MAD1L1: variants seen among roughly 807,000 people sequenced by gnomAD.
MAD1L1 encodes the protein mitotic spindle assembly checkpoint protein MAD1.
MAD1L1 carries 95 observed loss-of-function variants against 96.9 expected under a neutral mutation model. That is an observed-to-expected ratio of 0.98 (90% CI 0.83 to 1.16). MAD1L1 has a LOEUF of 1.16. Among genes scored for constraint, MAD1L1 ranks in the 50% most tolerant of loss-of-function variants. The pLI, the probability that MAD1L1 is intolerant of heterozygous loss-of-function variation, is 0.00. For missense variants in MAD1L1, 1,007 were observed against 954.4 expected, an observed-to-expected ratio of 1.06 and a Z score of -0.73; for synonymous variants, 473 against 396.6, an observed-to-expected ratio of 1.19 and a Z score of -2.29.
chr7:1,857,923 G>T (rs931757540), intron 18 of MAD1L1, among the ~76,000 whole-genome samples: 2 of 152,200 alleles, frequency 1.3e-5, no homozygotes, highest in Admixed American at 6.5e-5. Flanking sequence ...TGCAGAACCT[G>T]CAGAGGCAGC....
At chr7:2,168,272 G>GA (rs1438599852) in intron 10 of MAD1L1, among the ~76,000 whole-genome samples, 2 of 151,382 alleles carry the variant, frequency 1.3e-5, no homozygotes, top group East Asian at 3.9e-4. Flanking sequence ...GTGACAGAGC[G>GA]AGACTGTCTA....
At chr7:1,823,390 G>A (rs1270881682) in intron 18 of MAD1L1, among the ~76,000 whole-genome samples, 4 of 152,136 alleles carry the variant, frequency 2.6e-5, no homozygotes, top group Non-Finnish European at 5.9e-5. Flanking sequence ...AATTAAAATG[G>A]ATAAATGGGC....
chr7:1,960,801 C>A (rs1779921866), intron 15 of MAD1L1, among the ~76,000 whole-genome samples: 2 of 152,136 alleles, frequency 1.3e-5, no homozygotes, highest in Non-Finnish European at 2.9e-5. Flanking sequence ...CCTATTTCAC[C>A]TGGATAAATG....
intron 8 of MAD1L1, 35 bp from the exon 9 acceptor site, chr7:2,216,034 C>T: frequency 6.2e-7 from 1 of 1,612,732 alleles, no homozygotes; most frequent in Non-Finnish European, 8.5e-7. Context: ...CAAATAGCCA[C>T]ACACCCTAGG....
chr7:2,008,579 C>T (rs569576688), intron 13 of MAD1L1, among the ~76,000 whole-genome samples: 2 of 152,176 alleles, frequency 1.3e-5, no homozygotes, highest in African/African-American at 4.8e-5. Context: ...TCCCAAGGCC[C>T]GGGGTGGGGG....
chr7:1,827,088 G>A (rs1239417827), intron 18 of MAD1L1, among the ~76,000 whole-genome samples: 1 of 152,240 alleles, frequency 6.6e-6, no homozygotes, highest in Non-Finnish European at 1.5e-5. Flanking sequence ...CGCCGGCTCG[G>A]GGTGGGGCGG....
At chr7:2,006,446 G>A (rs957264892) in intron 13 of MAD1L1, among the ~76,000 whole-genome samples, 2 of 152,232 alleles carry the variant, frequency 1.3e-5, no homozygotes, top group Non-Finnish European at 2.9e-5. Context: ...TCCCAGCACC[G>A]AGGAGCATTT....
intron 12 of MAD1L1, among the ~76,000 whole-genome samples, chr7:2,055,252 A>C (rs1476124598): frequency 1.3e-5 from 2 of 152,178 alleles, no homozygotes; most frequent in African/African-American, 4.8e-5. Context: ...GCAGACAGTG[A>C]GGACAGCAGG....
intron 16 of MAD1L1, among the ~76,000 whole-genome samples, chr7:1,945,635 G>C (rs1779195266): frequency 6.6e-6 from 1 of 152,202 alleles, no homozygotes; most frequent in African/African-American, 2.4e-5. Context: ...GACGCCATGG[G>C]GTGCCGGGCC....
intron 10 of MAD1L1, among the ~76,000 whole-genome samples, chr7:2,159,978 A>C (rs1790023879): frequency 6.6e-6 from 1 of 152,170 alleles, no homozygotes; most frequent in Non-Finnish European, 1.5e-5. Flanking sequence ...CTGTAATCCC[A>C]GCACTTTGGG....
At chr7:1,941,602 G>A (rs1172930118) in intron 16 of MAD1L1, among the ~76,000 whole-genome samples, 1 of 152,218 alleles carries the variant, frequency 6.6e-6, no homozygotes, top group Non-Finnish European at 1.5e-5. Flanking sequence ...CCAGCCCCCA[G>A]GCTTGTCCTC....
intron 11 of MAD1L1, among the ~76,000 whole-genome samples, chr7:2,126,777 T>G (rs1005466321): frequency 4.6e-5 from 7 of 152,194 alleles, no homozygotes; most frequent in Non-Finnish European, 8.8e-5. Flanking sequence ...TCGTCAACCC[T>G]GCAGTGAGCC....
chr7:2,226,494 G>A (rs1233350834), intron 3 of MAD1L1, among the ~76,000 whole-genome samples: 1 of 152,182 alleles, frequency 6.6e-6, no homozygotes, highest in African/African-American at 2.4e-5. Context: ...CAGGGCTAGT[G>A]ATTACAGGTT....
intron 11 of MAD1L1, among the ~76,000 whole-genome samples, chr7:2,104,415 G>A (rs1786980137): frequency 6.6e-6 from 1 of 152,260 alleles, no homozygotes; most frequent in Non-Finnish European, 1.5e-5. Context: ...GGCATGTGGA[G>A]GCGGCCTGTT....
chr7:1,922,230 C>T (rs1382262773), intron 17 of MAD1L1, among the ~76,000 whole-genome samples: 2 of 152,246 alleles, frequency 1.3e-5, no homozygotes. Context: ...CTGGACCTGG[C>T]CGCGCCGCGT....
At position 2,081,976 on chromosome 7, in the gene MAD1L1, G is replaced by C. The variant is rs574802955; in HGVS notation, c.1074-12638C>G. On this transcript the variant is annotated intron_variant, in intron 11 of 18. Transcript: ENST00000265854. ...AGCTTCCAGGGACAGAGGAAAATCT[G>C]ATCATGGAGATTAGGAGAGAGGTTG... 2.6e-5 allele frequency among the ~76,000 whole-genome samples: 4 copies of C among 152,326 alleles called. No homozygotes were observed. In the East Asian group the frequency reaches 7.7e-4, roughly 29 times the overall value.
At chr7:2,228,685 C>A (rs1240900877) in intron 3 of MAD1L1, among the ~76,000 whole-genome samples, 1 of 151,900 alleles carries the variant, frequency 6.6e-6, no homozygotes, top group African/African-American at 2.4e-5. Context: ...ATGACCTAAT[C>A]TCAGAATAAA....
intron 12 of MAD1L1, among the ~76,000 whole-genome samples, chr7:2,048,774 C>T (rs1784044286): frequency 3.9e-5 from 6 of 152,228 alleles, no homozygotes. Context: ...TGTGCCACAC[C>T]CCTCCAGCTT....
chr7:2,029,065 T>C (rs545463739), intron 12 of MAD1L1, among the ~76,000 whole-genome samples: 1 of 152,196 alleles, frequency 6.6e-6, no homozygotes, highest in Non-Finnish European at 1.5e-5. Context: ...GAGGTAAAGA[T>C]TGATAAATTA....
Sources: allele counts gnomAD v4.1 joint callset (sites outside exome capture counted in the v4.1 genomes callset), GRCh38; gene constraint gnomAD v4.1.1; transcripts MANE v1.5; gene names NCBI Gene and HGNC (gene_info 2026-07-23, HGNC 2026-07-21).